TCF21: variants seen among roughly 807,000 people sequenced by gnomAD.
TCF21 encodes the protein capsulin.
In TCF21, 3 loss-of-function variants were observed where a neutral mutation model predicts 13.5. The observed-to-expected ratio is 0.22, with a 90% CI of 0.10 to 0.57. TCF21 has a LOEUF of 0.57. Ranked by LOEUF, TCF21 falls within the 20% of genes least tolerant of loss-of-function variation. The pLI, the probability that TCF21 is intolerant of heterozygous loss-of-function variation, is 0.92. For missense variants in TCF21, 181 were observed against 238.4 expected (o/e 0.76, Z 1.59); for synonymous variants, 92 against 101.7 (o/e 0.90, Z 0.57).
At chr6:133,891,286 A>G (rs567310118) in intron 1 of TCF21, among the ~76,000 whole-genome samples, 37 of 152,368 alleles carry the variant, frequency 2.4e-4, no homozygotes, top group Non-Finnish European at 4.6e-4. Flanking sequence ...GAAGGAGGCC[A>G]GGAGGGCGCT....
chr6:133,891,624 C>T (rs979178398), intron 1 of TCF21, 89 bp from the exon 2 acceptor site: 40 of 1,134,086 alleles, frequency 3.5e-5, no homozygotes, highest in Non-Finnish European at 4.8e-5. Context: ...CTGCCCCCAC[C>T]GCCCCCCTTC....
rs1254657439 is a variant in TCF21, at chr6:133,892,250, T to C, written c.*448T>C. 2 of 152,690 alleles carry C rather than the reference T, an allele frequency of 1.3e-5. No homozygotes were observed. The highest frequency in any genetic ancestry group is 1.5e-5 in the Non-Finnish European group (1 of 68,386). The allele number at this position is 152,690 out of a possible 1,614,324, so 9.5% of individuals were successfully genotyped here. On this transcript the variant is annotated 3_prime_UTR_variant, in exon 2 of 2. Transcript: ENST00000367882. ...TTTGAAAATAAATCTTTCTTTATATTGCTAAAAGCTCTGATATTTGGAGTG... is the reference window on the plus strand; with the variant it reads ...TTTGAAAATAAATCTTTCTTTATATCGCTAAAAGCTCTGATATTTGGAGTG...
chr6:133,893,844 T>C (rs1179233149), downstream of TCF21: 1 of 152,254 alleles, frequency 6.6e-6, no homozygotes, highest in East Asian at 1.9e-4. Context: ...CATGTGGCTA[T>C]GAATAGGGAA....
At chr6:133,891,394 C>A (rs1355932066) in intron 1 of TCF21, among the ~76,000 whole-genome samples, 2 of 152,226 alleles carry the variant, frequency 1.3e-5, no homozygotes, top group Non-Finnish European at 2.9e-5. Context: ...ACAGCACCAC[C>A]CACTCTCCCA....
At chr6:133,893,193 A>T (rs960194581), downstream of TCF21, 1 of 152,214 alleles carries the variant, frequency 6.6e-6, no homozygotes, top group East Asian at 1.9e-4. Context: ...CCCTTCCACC[A>T]ACCCCACAGG....
In TCF21 at chr6:133,889,244, C is replaced by G. The variant is rs531365701; in HGVS notation, c.-154C>G. On this transcript the variant is annotated 5_prime_UTR_variant, in exon 1 of 2. Coordinates refer to ENST00000367882, the MANE Select transcript of TCF21 (RefSeq NM_003206.4). The surrounding 1 kb of genome is among the most constrained non-coding windows in gnomAD (Gnocchi z 5.1). Reference sequence around the variant, plus strand: ...AGGGGAAAGGGTTGTGAGACCCAACCAGACCCCAACTCCAGCTCCCAGCAG... The same window carrying G: ...AGGGGAAAGGGTTGTGAGACCCAACGAGACCCCAACTCCAGCTCCCAGCAG... 2.1e-6 allele frequency: 2 copies of G among 965,644 alleles called. No individual in the cohort carries two copies. The highest frequency in any genetic ancestry group is 1.6e-6 in the Non-Finnish European group (1 of 621,616). The allele number at this position is 965,644 out of a possible 1,614,324, so 59.8% of individuals were successfully genotyped here.
intron 1 of TCF21, among the ~76,000 whole-genome samples, 162 bp downstream of exon 1, chr6:133,890,009 G>C (rs916778820): frequency 1.3e-5 from 2 of 152,178 alleles, no homozygotes; most frequent in Admixed American, 1.3e-4. Flanking sequence ...GGAGGCGGGC[G>C]GTCTAGACAC....
At position 133,891,861 on chromosome 6, in the gene TCF21, C is replaced by A; in HGVS notation, c.*59C>A. 1 of 1,571,118 alleles carries A rather than the reference C, an allele frequency of 6.4e-7. No homozygotes were observed. Among genetic ancestry groups the A allele is most frequent in the Middle Eastern group, 1.8e-4 (1 of 5,674 alleles). ...CCGGGGGGAGCGGGCCCCGGGAAGG[C>A]GACCCCTGCCCTCAGTGCTCTCTGT... On this transcript the variant is annotated 3_prime_UTR_variant, in exon 2 of 2. Transcript: ENST00000367882.
chr6:133,891,863 A>G lies in TCF21; in HGVS notation c.*61A>G. 6.4e-7 allele frequency: 1 copy of G among 1,566,514 alleles called. No homozygotes were observed. The highest frequency in any genetic ancestry group is 8.7e-7 in the Non-Finnish European group (1 of 1,143,330). ...GGGGGGAGCGGGCCCCGGGAAGGCGACCCCTGCCCTCAGTGCTCTCTGTCT... is the reference window on the plus strand; with the variant it reads ...GGGGGGAGCGGGCCCCGGGAAGGCGGCCCCTGCCCTCAGTGCTCTCTGTCT... On this transcript the variant is annotated 3_prime_UTR_variant, in exon 2 of 2. Coordinates refer to ENST00000367882, the MANE Select transcript of TCF21 (RefSeq NM_003206.4).
rs753876513 is a variant in TCF21, at chr6:133,889,592, G to A, written c.195G>A (p.Lys65=). The change falls in exon 1 of 2, where the codon AAG becomes AAA. Residue 65 remains lysine (K), a synonymous_variant. Transcript: ENST00000367882. This position sits in a 1 kb window ranked among gnomAD's most constrained non-coding sequence, Gnocchi z 5.1. The part of the protein sequence containing the change: ...GLGKRRKAPT[K]KSPLSGVSQE... Reference sequence around the variant, plus strand: ...GCAAGAGGAGGAAGGCGCCCACCAAGAAGAGCCCCCTGAGCGGGGTCAGCC... The same window carrying A: ...GCAAGAGGAGGAAGGCGCCCACCAAAAAGAGCCCCCTGAGCGGGGTCAGCC... 1 of 1,613,962 alleles carries A rather than the reference G, an allele frequency of 6.2e-7. No homozygotes were observed. Among genetic ancestry groups the A allele is most frequent in the East Asian group, 2.2e-5 (1 of 44,840 alleles).
At chr6:133,895,231 T>A (rs1775283052), downstream of TCF21, 1 of 152,230 alleles carries the variant, frequency 6.6e-6, no homozygotes, top group African/African-American at 2.4e-5. Flanking sequence ...ATCACCTAGA[T>A]GCCTCCACCC....
Position 133,889,998 on chromosome 6 carries a change from C to A in TCF21, c.450+151C>A, listed in dbSNP as rs1387666855. ...CCGCGGGCCTAGAGCCTCCAGGGAC[C>A]GGAGGCGGGCGGTCTAGACACGGCC... On this transcript the variant is annotated intron_variant, in intron 1 of 1. Coordinates refer to ENST00000367882, the MANE Select transcript of TCF21 (RefSeq NM_003206.4). This position sits in a 1 kb window ranked among gnomAD's most constrained non-coding sequence, Gnocchi z 5.1. 11 of 826,618 alleles carry A rather than the reference C, an allele frequency of 1.3e-5. No homozygotes were observed. The highest frequency in any genetic ancestry group is 2.0e-5 in the Non-Finnish European group (10 of 510,540). 51.2% of individuals were successfully genotyped at this position (826,618 alleles called of 1,614,324 possible). A position where few individuals can be genotyped will look rare whatever the true frequency, so the allele number is the denominator to read the frequency against.
In TCF21 at chr6:133,891,720, C is replaced by A. The variant is rs1287700305; in HGVS notation, c.458C>A (p.Pro153His). ...CCCTCTTCTTTCCCGCAGACGTGGC[C>A]CTTTATGGTGGCCGGGAAACCCGAG... ...GYIHPVNLTW[P>H]FMVAGKPESD... The change falls in exon 2 of 2, where the codon CCC becomes CAC. Residue 153 changes from proline to histidine, a missense_variant. Coordinates refer to ENST00000367882, the MANE Select transcript of TCF21 (RefSeq NM_003206.4). The A allele has an allele frequency of 4.3e-6, 7 of 1,613,814 alleles. No individual in the cohort carries two copies. Among genetic ancestry groups the A allele is most frequent in the Non-Finnish European group, 5.9e-6 (7 of 1,179,936 alleles).
intron 1 of TCF21, 55 bp from the exon 2 acceptor site, chr6:133,891,658 A>ACCCCCC: frequency 2.0e-6 from 2 of 997,178 alleles, no homozygotes; most frequent in Non-Finnish European, 2.6e-6. Flanking sequence ...CCCCGAGTCC[A>ACCCCCC]CCCCACCCCC....
chr6:133,895,020 T>TCG (rs1412826178), downstream of TCF21: 1 of 151,948 alleles, frequency 6.6e-6, no homozygotes, highest in African/African-American at 2.4e-5. Flanking sequence ...TCGCTCTCTC[T>TCG]CTCTCTCTCT....
chr6:133,889,599 C>G lies in TCF21; in HGVS notation c.202C>G (p.Pro68Ala). ...KRRKAPTKKS[P>A]LSGVSQEGKQ... ...GAGGAAGGCGCCCACCAAGAAGAGC[C>G]CCCTGAGCGGGGTCAGCCAGGAGGG... Residue 68 changes from proline to alanine, a missense_variant, in exon 1 of 2, where the codon CCC becomes GCC. Physicochemically the swap from Pro to Ala is conservative, Grantham distance 27 (BLOSUM62 -1). Coordinates refer to ENST00000367882, the MANE Select transcript of TCF21 (RefSeq NM_003206.4). This position sits in a 1 kb window ranked among gnomAD's most constrained non-coding sequence, Gnocchi z 5.1. The G allele has an allele frequency of 6.2e-7, 1 of 1,613,976 alleles. No individual in the cohort carries two copies. Among genetic ancestry groups the G allele is most frequent in the Non-Finnish European group, 8.5e-7 (1 of 1,179,944 alleles).
chr6:133,891,672 G>T (rs747442170), intron 1 of TCF21, 41 bp from the exon 2 acceptor site: 4 of 448,824 alleles, frequency 8.9e-6, no homozygotes, highest in Non-Finnish European at 9.3e-6. Flanking sequence ...CACCCCCTCC[G>T]CCACGGCCAC....
In TCF21 at chr6:133,889,502, C is replaced by G. The variant is rs756186325; in HGVS notation, c.105C>G (p.Asn35Lys). 1.2e-6 allele frequency: 2 copies of G among 1,614,096 alleles called. No homozygotes were observed. Among genetic ancestry groups the G allele is most frequent in the Non-Finnish European group, 1.7e-6 (2 of 1,180,000 alleles). Reference sequence around the variant, plus strand: ...CGAACAAGGAATTTGTGACTTCCAACGAGAGCACCGAGGAGAGCTCCAACT... The same window carrying G: ...CGAACAAGGAATTTGTGACTTCCAAGGAGAGCACCGAGGAGAGCTCCAACT... The part of the protein sequence containing the change: ...MDSNKEFVTS[N>K]ESTEESSNCE... Residue 35 changes from asparagine (N) to lysine (K), a missense_variant, in exon 1 of 2, where the codon AAC becomes AAG. Asn to Lys is a moderately conservative substitution (Grantham distance 94, BLOSUM62 0). Coordinates refer to ENST00000367882, the MANE Select transcript of TCF21 (RefSeq NM_003206.4). This position sits in a 1 kb window ranked among gnomAD's most constrained non-coding sequence, Gnocchi z 5.1.
chr6:133,895,256 G>A (rs1775283595), downstream of TCF21: 1 of 152,192 alleles, frequency 6.6e-6, no homozygotes, highest in Non-Finnish European at 1.5e-5. Flanking sequence ...GAGATCCTGA[G>A]TCCAGGAGTC....
Sources: gnomAD v4.1 joint callset for allele counts (sites outside exome capture counted in the v4.1 genomes callset) on GRCh38, gnomAD v4.1.1 for gene constraint, Gnocchi (gnomAD v3.1) non-coding constraint, MANE v1.5 for transcripts, NCBI Gene and HGNC (gene_info 2026-07-23, HGNC 2026-07-21) for gene names.